The following ROBO2 variants were observed in gnomAD, a reference collection of about 807,000 sequenced individuals.
ROBO2 encodes roundabout homolog 2.
Under a neutral mutation model 160.8 loss-of-function variants are expected in ROBO2, and 53 were observed. That is an observed-to-expected ratio of 0.33 (90% CI 0.26 to 0.41). The LOEUF (loss-of-function observed/expected upper bound fraction) is 0.41, where lower values mean the gene tolerates loss of function less well. ROBO2 is among the 10% of genes least tolerant of loss of function. The pLI is 1.00. For missense variants in ROBO2, 1,577 were observed against 1,722.4 expected (o/e 0.92, Z 1.49); for synonymous variants, 664 against 611.7 (o/e 1.09, Z -1.26).
At chr3:76,649,516 C>G (rs2091152747) in intron 2 of ROBO2, among the ~76,000 whole-genome samples, 1 of 151,990 alleles carries the variant, frequency 6.6e-6, no homozygotes, top group South Asian at 2.1e-4. Context: ...GTTTATAACT[C>G]AACTTAAAAC....
intron 2 of ROBO2, among the ~76,000 whole-genome samples, chr3:76,848,454 T>G (rs192544564): frequency 6.6e-6 from 1 of 152,316 alleles, no homozygotes. Context: ...TATGCACACT[T>G]GGCTGAGAAA....
At chr3:77,329,868 T>A (rs2065809833) in intron 2 of ROBO2, among the ~76,000 whole-genome samples, 1 of 152,230 alleles carries the variant, frequency 6.6e-6, no homozygotes, top group Non-Finnish European at 1.5e-5. Context: ...AATACCTATG[T>A]ATGCTTACTG....
chr3:76,366,769 AAT>A (rs2075832338), intron 2 of ROBO2, among the ~76,000 whole-genome samples: 1 of 152,010 alleles, frequency 6.6e-6, no homozygotes, highest in African/African-American at 2.4e-5. Context: ...CTTACACAAA[AAT>A]ATCTCTTCAA....
At chr3:76,593,488 C>T (rs559776281) in intron 2 of ROBO2, among the ~76,000 whole-genome samples, 2 of 152,116 alleles carry the variant, frequency 1.3e-5, no homozygotes, top group South Asian at 2.1e-4. Flanking sequence ...GATCAGATAA[C>T]TGAATGTACT....
intron 2 of ROBO2, among the ~76,000 whole-genome samples, chr3:76,582,498 T>C (rs1001496995): frequency 6.6e-6 from 1 of 152,176 alleles, no homozygotes; most frequent in African/African-American, 2.4e-5. Context: ...TGATGTTACT[T>C]GTAGTAAATT....
At chr3:77,273,715 A>C (rs1311248642) in intron 2 of ROBO2, among the ~76,000 whole-genome samples, 1 of 152,200 alleles carries the variant, frequency 6.6e-6, no homozygotes, top group Non-Finnish European at 1.5e-5. Flanking sequence ...GGTTTGCTTC[A>C]TATAAACTTT....
chr3:76,195,802 T>C (rs1313941061), intron 2 of ROBO2, among the ~76,000 whole-genome samples: 4 of 152,198 alleles, frequency 2.6e-5, no homozygotes, highest in African/African-American at 9.6e-5. Context: ...TAATTATTCT[T>C]AGGCAAAGGC....
At chr3:76,854,611 T>G (rs2148567030) in intron 2 of ROBO2, among the ~76,000 whole-genome samples, 1 of 152,276 alleles carries the variant, frequency 6.6e-6, no homozygotes, top group Non-Finnish European at 1.5e-5. Flanking sequence ...ACTTATGCCT[T>G]CTTGTTTCAG....
At chr3:76,397,801 C>T (rs2077553806) in intron 2 of ROBO2, among the ~76,000 whole-genome samples, 1 of 151,874 alleles carries the variant, frequency 6.6e-6, no homozygotes, top group Non-Finnish European at 1.5e-5. Flanking sequence ...GTGAGAATGG[C>T]AATCATTAAA....
chr3:76,271,525 TAATA>T lies in ROBO2; in HGVS notation c.109+333929_109+333932del, dbSNP rs979877391. Among the ~76,000 whole-genome samples the T allele has an allele frequency of 1.8e-4, 27 of 149,866 alleles. 1 individual carries two copies. The highest frequency in any genetic ancestry group is 6.8e-4 in the Admixed American group (10 of 14,770). ...ATTAAAGCATCTAGTATGTTTAAGT[TAATA>T]AATAATACCTGTCACTCTGCAATCT... On this transcript the variant is annotated intron_variant, in intron 2 of 26. Coordinates refer to the ROBO2 transcript ENST00000487694.
chr3:76,109,797 T>C (rs2070136014), intron 2 of ROBO2, among the ~76,000 whole-genome samples: 1 of 151,918 alleles, frequency 6.6e-6, no homozygotes, highest in Non-Finnish European at 1.5e-5. Flanking sequence ...CAGTGGACAA[T>C]TTTTCATCCC....
chr3:75,966,812 T>C (rs1949133205), intron 2 of ROBO2, among the ~76,000 whole-genome samples: 1 of 151,742 alleles, frequency 6.6e-6, no homozygotes, highest in African/African-American at 2.4e-5. Flanking sequence ...TATTCCACTC[T>C]ATAATTTCTG....
intron 2 of ROBO2, among the ~76,000 whole-genome samples, chr3:76,039,805 G>T (rs549304532): frequency 2.6e-5 from 4 of 152,108 alleles, no homozygotes; most frequent in East Asian, 1.9e-4. Context: ...GTAATGAAAG[G>T]CTTTGTAAAG....
At chr3:76,452,892 T>C (rs1027889597) in intron 2 of ROBO2, among the ~76,000 whole-genome samples, 4 of 152,192 alleles carry the variant, frequency 2.6e-5, no homozygotes, top group Non-Finnish European at 5.9e-5. Flanking sequence ...TGGTATCTCA[T>C]TGTGGTTTTG....
intron 2 of ROBO2, among the ~76,000 whole-genome samples, chr3:76,008,890 A>G (rs1006096454): frequency 6.6e-6 from 1 of 152,128 alleles, no homozygotes; most frequent in Non-Finnish European, 1.5e-5. Flanking sequence ...GGGGAAATCT[A>G]TGTATATTTA....
chr3:76,532,218 A>G (rs1009266782), intron 2 of ROBO2, among the ~76,000 whole-genome samples: 1 of 152,034 alleles, frequency 6.6e-6, no homozygotes, highest in African/African-American at 2.4e-5. Flanking sequence ...CTGAATTCAT[A>G]CTCTTCACTT....
At chr3:76,842,077 T>C (rs2068330732) in intron 2 of ROBO2, among the ~76,000 whole-genome samples, 1 of 152,220 alleles carries the variant, frequency 6.6e-6, no homozygotes, top group African/African-American at 2.4e-5. Flanking sequence ...AAAGGCAGGT[T>C]GCTTATTTTG....
At chr3:76,058,350 G>A (rs1235068432) in intron 2 of ROBO2, among the ~76,000 whole-genome samples, 3 of 151,948 alleles carry the variant, frequency 2.0e-5, no homozygotes, top group African/African-American at 4.8e-5. Context: ...GAGAACATGC[G>A]GTGTTTGGTT....
At chr3:76,920,998 G>A (rs1030917432) in intron 2 of ROBO2, among the ~76,000 whole-genome samples, 3 of 152,144 alleles carry the variant, frequency 2.0e-5, no homozygotes, top group Admixed American at 1.3e-4. Context: ...TTCAGAGGGC[G>A]AACAGTATTC....
Sources: allele counts gnomAD v4.1 joint callset (sites outside exome capture counted in the v4.1 genomes callset), GRCh38; gene constraint gnomAD v4.1.1; transcripts MANE v1.5; gene names NCBI Gene and HGNC (gene_info 2026-07-23, HGNC 2026-07-21).